The following CYTH4 variants were observed in gnomAD, a reference collection of about 807,000 sequenced individuals.
The protein encoded by CYTH4 is cytohesin-4.
CYTH4 carries 22 observed loss-of-function variants against 57.5 expected under a neutral mutation model. The ratio of observed to expected loss-of-function variants is 0.38; its 90% CI spans 0.27 to 0.55. CYTH4 has a LOEUF of 0.55. CYTH4 is among the 20% of genes least tolerant of loss of function. CYTH4 has a pLI of 0.74. For synonymous variants in CYTH4, 186 were observed against 206.5 expected (o/e 0.90, Z 0.85); for missense variants, 420 against 535.6 (o/e 0.78, Z 2.13).
rs770856521 is a variant in CYTH4, at chr22:37,287,088, A to AG, written c.19+4505dup. Among the ~76,000 whole-genome samples, 25 of 151,988 alleles carry AG rather than the reference A, an allele frequency of 1.6e-4. 1 individual carries two copies. Among genetic ancestry groups the AG allele is most frequent in the Admixed American group, 1.4e-3 (22 of 15,266 alleles). ...GGAATTCAGGAAGAGGATGGGGAGG[A>AG]GGGGGCATTCTAGAAGTTCAATTTT... On this transcript the variant is annotated intron_variant, in intron 1 of 12. Transcript: ENST00000248901.
At chr22:37,306,237 C>G (rs1017678262) in intron 8 of CYTH4, among the ~76,000 whole-genome samples, 1 of 151,884 alleles carries the variant, frequency 6.6e-6, no homozygotes, top group Non-Finnish European at 1.5e-5. Context: ...ACAAAGAACT[C>G]CACTCTCCGG....
At chr22:37,287,477 C>T (rs1928598093) in intron 1 of CYTH4, among the ~76,000 whole-genome samples, 1 of 152,222 alleles carries the variant, frequency 6.6e-6, no homozygotes, top group Admixed American at 6.5e-5. Context: ...ACAAACAAAA[C>T]AAAACAGAAT....
Position 37,309,258 on chromosome 22 carries a change from A to T in CYTH4, c.743A>T (p.Asp248Val), listed in dbSNP as rs1929545783. 5.0e-6 allele frequency: 8 copies of T among 1,614,134 alleles called. No individual in the cohort carries two copies. The highest frequency in any genetic ancestry group is 5.9e-6 in the Non-Finnish European group (7 of 1,179,992). The stretch of plus-strand genomic sequence containing the variant: ...AGTGAGCCATTCTCCATCCCTGAGG[A>T]CGACGGCAATGACCTCACTCACACC... Reference protein sequence around the residue: ...IKSEPFSIPEDDGNDLTHTFF... With the variant: ...IKSEPFSIPEVDGNDLTHTFF... Residue 248 changes from aspartate (D) to valine (V), a missense_variant, in exon 9 of 13, where the codon GAC becomes GTC. Transcript: ENST00000248901.
chr22:37,285,709 T>TCAAACAAA (rs368245730), intron 1 of CYTH4, among the ~76,000 whole-genome samples: 2 of 151,802 alleles, frequency 1.3e-5, no homozygotes, highest in African/African-American at 4.9e-5. Flanking sequence ...AGACATCGTC[T>TCAAACAAA]CAAACAAACA....
chr22:37,306,777 C>T (rs1191776800), intron 8 of CYTH4, among the ~76,000 whole-genome samples: 1 of 152,214 alleles, frequency 6.6e-6, no homozygotes, highest in African/African-American at 2.4e-5. Context: ...ACCAGCTCTG[C>T]CCAGGTGTGG....
intron 2 of CYTH4, among the ~76,000 whole-genome samples, chr22:37,294,421 G>A (rs1037271738): frequency 6.6e-6 from 1 of 152,032 alleles, no homozygotes; most frequent in Non-Finnish European, 1.5e-5. Context: ...CAAGACAAGT[G>A]GAGGCATGGG....
At chr22:37,308,983 G>A (rs376106619) in intron 8 of CYTH4, among the ~76,000 whole-genome samples, 15 of 152,068 alleles carry the variant, frequency 9.9e-5, no homozygotes, top group South Asian at 4.1e-4. Context: ...AAGCATGACC[G>A]GGGTGGCGGG....
chr22:37,315,201 T>G lies in CYTH4; in HGVS notation c.*1690T>G, dbSNP rs1435345864. On this transcript the variant is annotated 3_prime_UTR_variant, in exon 13 of 13. Transcript: ENST00000248901. ...ATTCTGTCCTGCTCCTGGGATGCAC[T>G]GGCTACTCCCTTAGTCTACTCCCTT... is the stretch of plus-strand genomic sequence containing the variant. 2 of 152,338 alleles carry G rather than the reference T, an allele frequency of 1.3e-5. No homozygotes were observed. The highest frequency in any genetic ancestry group is 2.9e-5 in the Non-Finnish European group (2 of 68,114). The allele number at this position is 152,338 out of a possible 1,614,324, so 9.4% of individuals were successfully genotyped here.
In CYTH4 at chr22:37,296,034, G is replaced by A; in HGVS notation, c.203G>A (p.Gly68Glu). The change falls in exon 4 of 13, where the codon GGG becomes GAG. Residue 68 changes from glycine (G) to glutamate (E), a missense_variant. Physicochemically the swap from Gly to Glu is moderately conservative, Grantham distance 98. Coordinates refer to ENST00000248901, the MANE Select transcript of CYTH4 (RefSeq NM_013385.5). The stretch of plus-strand genomic sequence containing the variant: ...CAGAAGGAGAAGGAGCTGTGTATTG[G>A]GCGCAAGAAGTTCAACATGGACCCC... ...MAQKEKELCI[G>E]RKKFNMDPAK... The A allele has an allele frequency of 1.2e-6, 2 of 1,613,426 alleles. No homozygotes were observed. Among genetic ancestry groups the A allele is most frequent in the Non-Finnish European group, 1.7e-6 (2 of 1,179,652 alleles).
chr22:37,305,983 G>C (rs1467648339), intron 8 of CYTH4, among the ~76,000 whole-genome samples: 1 of 152,228 alleles, frequency 6.6e-6, no homozygotes, highest in African/African-American at 2.4e-5. Flanking sequence ...GGCACAGTGA[G>C]TTCAGACTCA....
intron 1 of CYTH4, among the ~76,000 whole-genome samples, chr22:37,286,952 T>C (rs1200388126): frequency 6.6e-6 from 1 of 151,708 alleles, no homozygotes; most frequent in African/African-American, 2.4e-5. Flanking sequence ...AGTGGAGCCA[T>C]GGAAGGGGAA....
rs554804440 is a variant in CYTH4, at chr22:37,303,603, G to A, written c.696+201G>A. ...TCCTGAAACCCGCCTGCCCAAAAGA[G>A]GCCCCCATCTTGAGAAGGATGTCCG... On this transcript the variant is annotated intron_variant, in intron 8 of 12. Coordinates refer to ENST00000248901, the MANE Select transcript of CYTH4 (RefSeq NM_013385.5). Among the ~76,000 whole-genome samples, 6 of 152,314 alleles carry A rather than the reference G, an allele frequency of 3.9e-5. 1 individual carries two copies. In the East Asian group the frequency reaches 9.6e-4, roughly 24 times the overall value.
At chr22:37,284,993 G>T (rs1241215773) in intron 1 of CYTH4, among the ~76,000 whole-genome samples, 1 of 152,130 alleles carries the variant, frequency 6.6e-6, no homozygotes, top group Admixed American at 6.5e-5. Flanking sequence ...AGCCTGTGGG[G>T]CTTGTGGGGC....
At chr22:37,301,697 T>C (rs949782915) in intron 7 of CYTH4, among the ~76,000 whole-genome samples, 2 of 141,364 alleles carry the variant, frequency 1.4e-5, no homozygotes, top group Non-Finnish European at 3.1e-5. Context: ...TTTTTTTTTT[T>C]TTTTTTTTTT....
chr22:37,286,316 AC>A (rs1309040486), intron 1 of CYTH4, among the ~76,000 whole-genome samples: 1 of 152,072 alleles, frequency 6.6e-6, no homozygotes, highest in Non-Finnish European at 1.5e-5. Flanking sequence ...CAGCTGTGTC[AC>A]CTTTGGCAGG....
In CYTH4 at chr22:37,314,573, C is replaced by A; in HGVS notation, c.*1062C>A. 2.5e-6 allele frequency: 1 copy of A among 396,722 alleles called. No individual in the cohort carries two copies. The allele number at this position is 396,722 out of a possible 1,614,324, so 24.6% of individuals were successfully genotyped here. A position where few individuals can be genotyped will look rare whatever the true frequency, so the allele number is the denominator to read the frequency against. On this transcript the variant is annotated 3_prime_UTR_variant, in exon 13 of 13. Transcript: ENST00000248901. ...TCCTGCAAGACCACTGACGAGCAGT[C>A]CCATGGTGATAAAGGGCAGCCCGGC...
chr22:37,297,766 G>T, intron 5 of CYTH4, 84 bp downstream of exon 5: 1 of 1,203,246 alleles, frequency 8.3e-7, no homozygotes, highest in South Asian at 1.2e-5. Context: ...GTGAGAGGAT[G>T]AATTATGTTA....
chr22:37,307,434 C>T (rs1569111277), intron 8 of CYTH4, among the ~76,000 whole-genome samples: 1 of 152,172 alleles, frequency 6.6e-6, no homozygotes, highest in Non-Finnish European at 1.5e-5. Flanking sequence ...CCAGTGCCAC[C>T]TGGGAATTCC....
chr22:37,309,275 A>G lies in CYTH4; in HGVS notation c.760A>G (p.Thr254Ala), dbSNP rs766017763. The part of the protein sequence containing the change: ...SIPEDDGNDL[T>A]HTFFNPDREG... The stretch of plus-strand genomic sequence containing the variant: ...CCCTGAGGACGACGGCAATGACCTC[A>G]CTCACACCTTCTTCAATCCAGACCG... The change falls in exon 9 of 13, where the codon ACT becomes GCT. Residue 254 changes from threonine to alanine, a missense_variant. Physicochemically the swap from Thr to Ala is moderately conservative, Grantham distance 58. Coordinates refer to ENST00000248901, the MANE Select transcript of CYTH4 (RefSeq NM_013385.5). 5.0e-6 allele frequency: 8 copies of G among 1,613,886 alleles called. No homozygotes were observed. The highest frequency in any genetic ancestry group is 6.8e-6 in the Non-Finnish European group (8 of 1,179,970).
Sources: allele counts gnomAD v4.1 joint callset (sites outside exome capture counted in the v4.1 genomes callset), GRCh38; gene constraint gnomAD v4.1.1; transcripts MANE v1.5; gene names NCBI Gene and HGNC (gene_info 2026-07-23, HGNC 2026-07-21).